Variants in SAMD5 observed in about 807,000 individuals in gnomAD.
The protein encoded by SAMD5 is sterile alpha motif domain-containing protein 5.
A neutral mutation model predicts 11.3 loss-of-function variants in SAMD5; 13 were observed. That is an observed-to-expected ratio of 1.15 (90% confidence interval 0.75 to 1.83). The LOEUF (loss-of-function observed/expected upper bound fraction) is 1.83, where lower values mean the gene tolerates loss of function less well. Among genes scored for constraint, SAMD5 ranks in the 40% most tolerant of loss-of-function variants. SAMD5 has a pLI of 0.00. For missense variants in SAMD5, 255 were observed against 239.1 expected (o/e 1.07, Z -0.44); for synonymous variants, 129 against 111.3 (o/e 1.16, Z -1.00).
intron 1 of SAMD5, among the ~76,000 whole-genome samples, chr6:147,639,340 C>G (rs1156799800): frequency 6.6e-6 from 1 of 152,082 alleles, no homozygotes; most frequent in Non-Finnish European, 1.5e-5. Context: ...ATACATGTAT[C>G]CAAGATAGGA....
chr6:147,680,385 C>A (rs1790924522), intron 1 of SAMD5, among the ~76,000 whole-genome samples: 1 of 152,056 alleles, frequency 6.6e-6, no homozygotes, highest in Admixed American at 6.6e-5. Context: ...TACAAACTTG[C>A]TAAACTCACA....
At chr6:147,538,257 TA>T (rs1788544362) in intron 1 of SAMD5, among the ~76,000 whole-genome samples, 1 of 152,246 alleles carries the variant, frequency 6.6e-6, no homozygotes, top group Non-Finnish European at 1.5e-5. Context: ...CAGAATTTTT[TA>T]ATAAGATAAA....
chr6:147,912,056 T>C, the SAMD5 span, among the ~76,000 whole-genome samples: 2 of 152,064 alleles, frequency 1.3e-5, no homozygotes, highest in Non-Finnish European at 2.9e-5. Context: ...TCAGACCTGA[T>C]GCACCGTTAC....
intron 1 of SAMD5, among the ~76,000 whole-genome samples, chr6:147,510,695 T>C (rs911487156): frequency 2.0e-5 from 3 of 152,204 alleles, no homozygotes; most frequent in East Asian, 1.9e-4. Flanking sequence ...TTTAATATTA[T>C]CTACTACCTT....
rs1003326539 is a variant in SAMD5 at position 147,566,830 on chromosome 6, A to C, written c.*2374A>C. 4 of 979,352 alleles carry C rather than the reference A, an allele frequency of 4.1e-6. No individual in the cohort carries two copies. The highest frequency in any genetic ancestry group is 4.9e-6 in the Non-Finnish European group (4 of 824,584). 60.7% of individuals were successfully genotyped at this position (979,352 alleles called of 1,614,324 possible). On this transcript the variant is annotated 3_prime_UTR_variant, in exon 2 of 2. Transcript: ENST00000367474. The stretch of plus-strand genomic sequence containing the variant: ...TTTGCATTAAAATCAAGATGAGGTA[A>C]GAGGTAGAATATAAGAGAAAGGGAT...
intron 1 of SAMD5, among the ~76,000 whole-genome samples, chr6:147,555,357 G>T (rs1055963031): frequency 1.3e-5 from 2 of 152,058 alleles, no homozygotes; most frequent in Admixed American, 6.5e-5. Context: ...TTTAGACTTG[G>T]GTATTTGGCA....
the SAMD5 span, among the ~76,000 whole-genome samples, chr6:147,781,343 G>A: frequency 6.6e-6 from 1 of 151,982 alleles, no homozygotes; most frequent in African/African-American, 2.4e-5. Flanking sequence ...AAATTGTAGA[G>A]ACAGGGTCTC....
At chr6:147,840,510 C>G in the SAMD5 span, among the ~76,000 whole-genome samples, 3 of 152,110 alleles carry the variant, frequency 2.0e-5, no homozygotes, top group African/African-American at 7.2e-5. Flanking sequence ...AGAAAGGGCA[C>G]CTGCTCTCAG....
the SAMD5 span, among the ~76,000 whole-genome samples, chr6:147,842,192 G>C: frequency 6.6e-6 from 1 of 151,992 alleles, no homozygotes; most frequent in Non-Finnish European, 1.5e-5. Context: ...CCTTTGGCTT[G>C]GGTGACTCAG....
chr6:147,517,436 A>G (rs1478968434), intron 1 of SAMD5, among the ~76,000 whole-genome samples: 1 of 152,174 alleles, frequency 6.6e-6, no homozygotes, highest in Non-Finnish European at 1.5e-5. Flanking sequence ...CGTAGTGGCC[A>G]TGTGTCAGCT....
intron 1 of SAMD5, among the ~76,000 whole-genome samples, chr6:147,687,579 C>T (rs1418523311): frequency 2.0e-5 from 3 of 152,046 alleles, no homozygotes; most frequent in Admixed American, 2.0e-4. Context: ...AATCATTTAC[C>T]CCTGACTGAG....
the SAMD5 span, among the ~76,000 whole-genome samples, chr6:147,766,667 C>A: frequency 6.6e-6 from 1 of 152,068 alleles, no homozygotes; most frequent in Non-Finnish European, 1.5e-5. Context: ...AAAGAATAGA[C>A]CCCAGCAAAA....
At chr6:147,657,826 C>T (rs1416542290) in intron 1 of SAMD5, among the ~76,000 whole-genome samples, 1 of 152,124 alleles carries the variant, frequency 6.6e-6, no homozygotes, top group Non-Finnish European at 1.5e-5. Flanking sequence ...GCCCTAATCA[C>T]CACCCAAAAG....
chr6:147,584,612 G>A (rs1442316747), intron 1 of SAMD5, among the ~76,000 whole-genome samples: 5 of 152,204 alleles, frequency 3.3e-5, no homozygotes, highest in African/African-American at 1.2e-4. Context: ...CCGAGACAGT[G>A]CCAGCTGTAG....
chr6:147,941,654 G>A, the SAMD5 span, among the ~76,000 whole-genome samples: 1 of 152,272 alleles, frequency 6.6e-6, no homozygotes, highest in African/African-American at 2.4e-5. Flanking sequence ...ACCTGTGTGT[G>A]AGGTTTGATC....
the SAMD5 span, among the ~76,000 whole-genome samples, chr6:147,954,191 C>A: frequency 1.3e-5 from 2 of 152,118 alleles, no homozygotes; most frequent in Non-Finnish European, 2.9e-5. Context: ...TATTTTATCA[C>A]CTTCGTGTTT....
chr6:147,513,314 C>T (rs1006355090), intron 1 of SAMD5, among the ~76,000 whole-genome samples: 8 of 152,136 alleles, frequency 5.3e-5, no homozygotes, highest in East Asian at 1.9e-4. Context: ...GTGGCATGGG[C>T]CACTTATGAC....
chr6:147,724,209 C>G (rs528132605), intron 1 of SAMD5, among the ~76,000 whole-genome samples: 73 of 152,188 alleles, frequency 4.8e-4, no homozygotes, highest in Non-Finnish European at 9.8e-4. Flanking sequence ...CTCACTGCAA[C>G]CTCCTCCTCA....
intron 1 of SAMD5, among the ~76,000 whole-genome samples, chr6:147,670,598 CT>C (rs1291161993): frequency 3.9e-5 from 6 of 152,230 alleles, no homozygotes; most frequent in Non-Finnish European, 7.3e-5. Context: ...TCACCTTGCA[CT>C]TTTATGTGTT....
Sources: gnomAD v4.1 joint callset for allele counts (sites outside exome capture counted in the v4.1 genomes callset) on GRCh38, gnomAD v4.1.1 for gene constraint, MANE v1.5 for transcripts, NCBI Gene and HGNC (gene_info 2026-07-23, HGNC 2026-07-21) for gene names.